Variants in PCDHA10 observed in about 807,000 individuals in gnomAD.
PCDHA10 encodes protocadherin alpha-10.
Under a neutral mutation model 61.2 loss-of-function variants are expected in PCDHA10, and 45 were observed. The observed-to-expected ratio is 0.74, with a 90% CI of 0.58 to 0.94. The LOEUF (loss-of-function observed/expected upper bound fraction) is 0.94. PCDHA10 is among the 40% of genes least tolerant of loss of function. The probability of loss-of-function intolerance (pLI) is 0.00; values close to 1 mark genes in which losing one functional copy is unlikely to be tolerated. For synonymous variants in PCDHA10, 602 were observed against 548.8 expected, an observed-to-expected ratio of 1.10 and a Z score of -1.35; for missense variants, 1,278 against 1,236.2, an observed-to-expected ratio of 1.03 and a Z score of -0.51.
intron 3 of PCDHA10, among the ~76,000 whole-genome samples, chr5:140,994,339 A>T (rs1279466681): frequency 6.6e-6 from 1 of 152,146 alleles, no homozygotes; most frequent in Non-Finnish European, 1.5e-5. Context: ...TGAACAGTGG[A>T]TGTTGTGGGA....
intron 1 of PCDHA10, chr5:140,883,813 C>CA (rs2059834466): frequency 6.2e-7 from 1 of 1,612,382 alleles, no homozygotes; most frequent in Non-Finnish European, 8.5e-7. Context: ...CGGAGAGCGG[C>CA]AAGGTGTACG....
intron 1 of PCDHA10, chr5:140,883,358 C>A (rs1554177826): frequency 6.2e-7 from 1 of 1,614,192 alleles, no homozygotes; most frequent in South Asian, 1.1e-5. Context: ...AGAAGACACT[C>A]AGCCTAGCGC....
chr5:140,870,195 C>T, intron 1 of PCDHA10: 1 of 1,614,178 alleles, frequency 6.2e-7, no homozygotes, highest in Non-Finnish European at 8.5e-7. Flanking sequence ...ACGCTCAGCC[C>T]AGCACGGTCA....
intron 1 of PCDHA10, chr5:140,882,945 T>C (rs1554176195): frequency 6.2e-7 from 1 of 1,614,194 alleles, no homozygotes; most frequent in Non-Finnish European, 8.5e-7. Flanking sequence ...ACTGGCACAG[T>C]TCAGCTGCTC....
chr5:140,951,333 G>A (rs922078825), intron 1 of PCDHA10, among the ~76,000 whole-genome samples: 1 of 151,964 alleles, frequency 6.6e-6, no homozygotes, highest in African/African-American at 2.4e-5. Flanking sequence ...TCATCATTCT[G>A]TTTGTGTTAG....
intron 1 of PCDHA10, among the ~76,000 whole-genome samples, chr5:140,880,362 A>G (rs1005788716): frequency 4.6e-5 from 7 of 152,236 alleles, no homozygotes; most frequent in Non-Finnish European, 1.0e-4. Context: ...ATTTAGATGA[A>G]AACCATGAGA....
At chr5:140,902,103 A>AT (rs1435105079) in intron 1 of PCDHA10, among the ~76,000 whole-genome samples, 1 of 151,172 alleles carries the variant, frequency 6.6e-6, no homozygotes, top group Non-Finnish European at 1.5e-5. Context: ...GAGTCTTTAG[A>AT]TTTTTTTAAA....
chr5:141,011,435 T>C lies in PCDHA10; in HGVS notation c.*1498T>C, dbSNP rs781837801. ...TGTGAATGTTAATGCAACTATTACC[T>C]AGAGTGAACTTTAAGCTTTATTGTT... On this transcript the variant is annotated 3_prime_UTR_variant, in exon 4 of 4. Coordinates refer to ENST00000307360, the MANE Select transcript of PCDHA10 (RefSeq NM_018901.4). 3 of 153,818 alleles carry C rather than the reference T, an allele frequency of 2.0e-5. No individual in the cohort carries two copies. The highest frequency in any genetic ancestry group is 4.4e-5 in the Non-Finnish European group (3 of 68,050). The allele number at this position is 153,818 out of a possible 1,614,324, so 9.5% of individuals were successfully genotyped here.
intron 1 of PCDHA10, chr5:140,967,750 C>A (rs782284231): frequency 1.4e-5 from 22 of 1,614,072 alleles, no homozygotes; most frequent in Non-Finnish European, 1.7e-6. Flanking sequence ...ATGAGGAAGC[C>A]TCCTCCTACC....
intron 1 of PCDHA10, chr5:140,929,246 C>A: frequency 6.2e-7 from 1 of 1,613,738 alleles, no homozygotes; most frequent in Non-Finnish European, 8.5e-7. Flanking sequence ...AATCTTGCCA[C>A]TGGGGTAGGA....
At chr5:140,912,523 A>G (rs550105639) in intron 1 of PCDHA10, among the ~76,000 whole-genome samples, 1 of 152,248 alleles carries the variant, frequency 6.6e-6, no homozygotes, top group East Asian at 1.9e-4. Context: ...TAGGGTTTTC[A>G]GAGTACATGA....
rs782026526 is a variant in PCDHA10, at chr5:140,857,844, ACT to A, written c.1799_1800del (p.Ser600TrpfsTer9). The stretch of plus-strand genomic sequence containing the variant: ...GCTAAGGTGCGCGCAGTGGACGCTG[ACT>A]CTGGATACAACGCGTGGCTGTCGTA... On this transcript the variant is annotated frameshift_variant, in exon 1 of 4. Transcript: ENST00000307360. LOFTEE classifies it high-confidence loss of function. 1.0e-5 allele frequency: 16 copies of A among 1,596,614 alleles called. No homozygotes were observed. In the Admixed American group the frequency reaches 1.2e-4, roughly 12 times the overall value.
rs782332920 is a variant in PCDHA10 at position 140,856,198 on chromosome 5, C to T, written c.150C>T (p.Asp50=). 1.9e-6 allele frequency: 3 copies of T among 1,597,984 alleles called. No homozygotes were observed. In the East Asian group the frequency reaches 6.7e-5, roughly 36 times the overall value. Residue 50 remains aspartate (D), a synonymous_variant, in exon 1 of 4, where the codon GAC becomes GAT. Transcript: ENST00000307360. The part of the protein sequence containing the change: ...HGTFVGRIAQ[D]LGLELAELVQ... ...CCTTCGTGGGCCGCATCGCGCAGGA[C>T]CTGGGGCTGGAGCTGGCGGAGCTGG...
intron 1 of PCDHA10, among the ~76,000 whole-genome samples, chr5:140,908,042 C>T (rs2073761027): frequency 1.3e-5 from 2 of 152,196 alleles, no homozygotes; most frequent in African/African-American, 2.4e-5. Context: ...TATATAATTG[C>T]ACATCCGGCC....
chr5:140,972,322 T>C (rs2096531924), intron 1 of PCDHA10, among the ~76,000 whole-genome samples: 1 of 151,968 alleles, frequency 6.6e-6, no homozygotes, highest in African/African-American at 2.4e-5. Context: ...AGGTGTTTTT[T>C]TTTTTTGGAA....
intron 1 of PCDHA10, among the ~76,000 whole-genome samples, chr5:140,881,751 A>G (rs974973794): frequency 6.6e-6 from 1 of 152,206 alleles, no homozygotes; most frequent in Non-Finnish European, 1.5e-5. Flanking sequence ...GGACAGTACC[A>G]CAAAAACCTA....
chr5:140,987,453 A>C (rs2097255093), intron 3 of PCDHA10, among the ~76,000 whole-genome samples: 1 of 152,106 alleles, frequency 6.6e-6, no homozygotes, highest in South Asian at 2.1e-4. Context: ...CCGAGAGATA[A>C]TTGTTAAGAG....
intron 1 of PCDHA10, among the ~76,000 whole-genome samples, chr5:140,956,666 G>T (rs1232573740): frequency 6.6e-6 from 1 of 152,088 alleles, no homozygotes; most frequent in African/African-American, 2.4e-5. Flanking sequence ...GGCCTTAAAG[G>T]AGTTAGGGAG....
At chr5:140,967,489 A>G in intron 1 of PCDHA10, 4 of 1,613,456 alleles carry the variant, frequency 2.5e-6, no homozygotes, top group Non-Finnish European at 3.4e-6. Flanking sequence ...CGGGTACGGC[A>G]CAGATCTCTG....
Sources: gnomAD v4.1 joint callset for allele counts (sites outside exome capture counted in the v4.1 genomes callset) on GRCh38, gnomAD v4.1.1 for gene constraint, MANE v1.5 for transcripts, NCBI Gene and HGNC (gene_info 2026-07-23, HGNC 2026-07-21) for gene names.